The following SLC25A21 variants were observed in gnomAD, a reference collection of about 807,000 sequenced individuals.
SLC25A21 encodes mitochondrial 2-oxodicarboxylate carrier.
In SLC25A21, 47 loss-of-function variants were observed where a neutral mutation model predicts 43.8. That is an observed-to-expected ratio of 1.07 (90% CI 0.85 to 1.37). The LOEUF is 1.37. SLC25A21 is among the 40% of genes most tolerant of loss of function. SLC25A21 has a pLI of 0.00. For missense variants in SLC25A21, 352 were observed against 350.2 expected, an observed-to-expected ratio of 1.00 and a Z score of -0.04; for synonymous variants, 131 against 121.3, an observed-to-expected ratio of 1.08 and a Z score of -0.52.
At chr14:36,926,153 GA>G (rs1223024673) in intron 1 of SLC25A21, among the ~76,000 whole-genome samples, 1 of 152,090 alleles carries the variant, frequency 6.6e-6, no homozygotes, top group African/African-American at 2.4e-5. Flanking sequence ...AAATTAGACA[GA>G]ATATGATTTC....
At chr14:36,814,679 G>A (rs1888392205) in intron 2 of SLC25A21, among the ~76,000 whole-genome samples, 1 of 152,200 alleles carries the variant, frequency 6.6e-6, no homozygotes, top group Admixed American at 6.5e-5. Context: ...ACAGATGCTG[G>A]CGAGACTGTG....
intron 2 of SLC25A21, among the ~76,000 whole-genome samples, chr14:36,822,856 T>G (rs1888683584): frequency 2.0e-5 from 3 of 152,248 alleles, no homozygotes; most frequent in African/African-American, 7.2e-5. Flanking sequence ...CACTTTACAA[T>G]TCAGTCTTAC....
intron 1 of SLC25A21, among the ~76,000 whole-genome samples, chr14:37,119,390 A>G (rs1489226382): frequency 6.6e-6 from 1 of 152,062 alleles, no homozygotes; most frequent in Non-Finnish European, 1.5e-5. Flanking sequence ...CCCTACTAAA[A>G]ATACAAAAAT....
chr14:36,971,737 C>T (rs113191693), intron 1 of SLC25A21, among the ~76,000 whole-genome samples: 9 of 152,234 alleles, frequency 5.9e-5, no homozygotes, highest in East Asian at 1.9e-4. Flanking sequence ...GCGCCACACA[C>T]GAACCTCGGG....
At chr14:36,725,496 T>C (rs989387085) in intron 6 of SLC25A21, 74 bp downstream of exon 6, 1 of 442,798 alleles carries the variant, frequency 2.3e-6, no homozygotes, top group Non-Finnish European at 3.5e-6. Context: ...AATAAATAAA[T>C]AAATAAATAA....
At chr14:36,699,624 G>A (rs569172963) in intron 7 of SLC25A21, among the ~76,000 whole-genome samples, 2 of 152,268 alleles carry the variant, frequency 1.3e-5, no homozygotes, top group East Asian at 1.9e-4. Context: ...CTTCCTGGCC[G>A]CTTTGTTTAC....
Position 36,705,610 on chromosome 14 carries a change from C to T in SLC25A21, c.603+5708G>A, listed in dbSNP as rs183222024. Among the ~76,000 whole-genome samples, 495 of 152,282 alleles carry T rather than the reference C, an allele frequency of 3.3e-3. 2 individuals are homozygous for T. Among genetic ancestry groups the T allele is most frequent in the Non-Finnish European group, 5.4e-3 (364 of 68,020 alleles). ...TCTGTCTCTGCCTCTGTCTCTGTCTCTCTCTCACACACACACAATTCCCCA... is the reference window on the plus strand; with the variant it reads ...TCTGTCTCTGCCTCTGTCTCTGTCTTTCTCTCACACACACACAATTCCCCA... On this transcript the variant is annotated intron_variant, in intron 7 of 9. Transcript: ENST00000331299.
At chr14:37,000,719 G>A (rs1960470456) in intron 1 of SLC25A21, among the ~76,000 whole-genome samples, 1 of 152,182 alleles carries the variant, frequency 6.6e-6, no homozygotes, top group Non-Finnish European at 1.5e-5. Flanking sequence ...GATCATGTGA[G>A]TGGGTTTCCC....
intron 3 of SLC25A21, among the ~76,000 whole-genome samples, chr14:36,736,967 C>G (rs1007450222): frequency 2.0e-5 from 3 of 152,180 alleles, no homozygotes; most frequent in Non-Finnish European, 4.4e-5. Flanking sequence ...AGAATGGGCT[C>G]TCCTGAAAAG....
At chr14:36,960,940 T>C (rs1167647882) in intron 1 of SLC25A21, among the ~76,000 whole-genome samples, 2 of 152,210 alleles carry the variant, frequency 1.3e-5, no homozygotes, top group Non-Finnish European at 2.9e-5. Context: ...AATGACCTAA[T>C]TGCTCATATG....
chr14:37,122,336 T>G (rs1249106302), intron 1 of SLC25A21, among the ~76,000 whole-genome samples: 1 of 152,188 alleles, frequency 6.6e-6, no homozygotes, highest in Non-Finnish European at 1.5e-5. Flanking sequence ...TACCCAAACA[T>G]AGTCTGGAAA....
intron 7 of SLC25A21, among the ~76,000 whole-genome samples, chr14:36,694,621 T>C (rs1223522499): frequency 6.6e-6 from 1 of 152,250 alleles, no homozygotes; most frequent in Non-Finnish European, 1.5e-5. Context: ...TGTGAGATGG[T>C]ATCTCACTGT....
intron 1 of SLC25A21, among the ~76,000 whole-genome samples, chr14:37,112,203 A>T (rs868093990): frequency 9.2e-5 from 14 of 152,296 alleles, no homozygotes; most frequent in African/African-American, 2.9e-4. Flanking sequence ...CCATAGAATA[A>T]AACATTTAAC....
rs1218080289 is a variant in SLC25A21, at chr14:36,680,192, ATTT to A, written c.*463_*465del. On this transcript the variant is annotated 3_prime_UTR_variant, in exon 10 of 10. Transcript: ENST00000331299. ...CTCTTTAAATATTATTTATGGAATA[ATTT>A]AATTCATTATAAAAACTGCTTAAAT... 1 of 840,988 alleles carries A rather than the reference ATTT, an allele frequency of 1.2e-6. No homozygotes were observed. Among genetic ancestry groups the A allele is most frequent in the East Asian group, 1.2e-4 (1 of 8,038 alleles). 52.1% of individuals were successfully genotyped at this position (840,988 alleles called of 1,614,324 possible). A position where few individuals can be genotyped will look rare whatever the true frequency, so the allele number is the denominator to read the frequency against.
At chr14:36,683,298 G>A (rs764558378) in intron 9 of SLC25A21, among the ~76,000 whole-genome samples, 7 of 152,182 alleles carry the variant, frequency 4.6e-5, no homozygotes, top group East Asian at 3.9e-4. Context: ...AGCCTCCAGC[G>A]TCATGCTGAC....
chr14:37,063,599 G>A (rs1961998236), intron 1 of SLC25A21, among the ~76,000 whole-genome samples: 1 of 152,064 alleles, frequency 6.6e-6, no homozygotes, highest in Non-Finnish European at 1.5e-5. Flanking sequence ...TGGAGGGAGG[G>A]TAAGGAGTAA....
At chr14:37,061,680 C>A (rs1157763481) in intron 1 of SLC25A21, among the ~76,000 whole-genome samples, 1 of 152,182 alleles carries the variant, frequency 6.6e-6, no homozygotes, top group Non-Finnish European at 1.5e-5. Flanking sequence ...ACAGGTAGTT[C>A]ATAGTTCATA....
intron 1 of SLC25A21, among the ~76,000 whole-genome samples, chr14:37,002,880 A>T (rs531798598): frequency 6.6e-6 from 1 of 152,204 alleles, no homozygotes; most frequent in African/African-American, 2.4e-5. Context: ...TTACATTTGT[A>T]AAAGGTAACA....
At chr14:36,843,667 T>C in intron 2 of SLC25A21, among the ~76,000 whole-genome samples, 1 of 152,182 alleles carries the variant, frequency 6.6e-6, no homozygotes, top group East Asian at 1.9e-4. Flanking sequence ...CCATGTCTCC[T>C]AAGAGTAAAG....
Sources: gnomAD v4.1 joint callset for allele counts (sites outside exome capture counted in the v4.1 genomes callset) on GRCh38, gnomAD v4.1.1 for gene constraint, MANE v1.5 for transcripts, NCBI Gene and HGNC (gene_info 2026-07-23, HGNC 2026-07-21) for gene names.